The following PHKB variants were observed in gnomAD, a reference collection of about 807,000 sequenced individuals.
The protein encoded by PHKB is phosphorylase b kinase regulatory subunit beta.
In PHKB, 122 loss-of-function variants were observed where a neutral mutation model predicts 152.1. The ratio of observed to expected loss-of-function variants is 0.80; its 90% CI spans 0.69 to 0.93. The LOEUF is 0.93. Ranked by LOEUF, PHKB falls within the 40% of genes least tolerant of loss-of-function variation. The probability of loss-of-function intolerance (pLI) is 0.00; values close to 1 mark genes in which losing one functional copy is unlikely to be tolerated. For synonymous variants in PHKB, 436 were observed against 464.9 expected (o/e 0.94, Z 0.80); for missense variants, 1,304 against 1,328.4 (o/e 0.98, Z 0.29).
intron 7 of PHKB, among the ~76,000 whole-genome samples, chr16:47,553,417 T>C (rs769450857): frequency 3.3e-5 from 5 of 152,098 alleles, no homozygotes; most frequent in Non-Finnish European, 5.9e-5. Context: ...AAGCTGGTTA[T>C]TCTAGTTAGC....
intron 1 of PHKB, among the ~76,000 whole-genome samples, chr16:47,472,173 AC>A (rs1295975554): frequency 2.0e-5 from 3 of 152,138 alleles, no homozygotes; most frequent in Non-Finnish European, 4.4e-5. Context: ...TGGCATATTG[AC>A]CCTTCTATTC....
intron 6 of PHKB, among the ~76,000 whole-genome samples, chr16:47,541,103 C>T (rs1339781378): frequency 6.6e-6 from 1 of 152,026 alleles, no homozygotes; most frequent in Non-Finnish European, 1.5e-5. Context: ...CCCATTAACT[C>T]GTCATTTACA....
chr16:47,605,843 A>G (rs1972313777), intron 13 of PHKB, among the ~76,000 whole-genome samples: 1 of 152,008 alleles, frequency 6.6e-6, no homozygotes, highest in East Asian at 1.9e-4. Flanking sequence ...CACCTATGTT[A>G]TGTAGAATGT....
intron 26 of PHKB, among the ~76,000 whole-genome samples, chr16:47,683,745 G>A (rs975146007): frequency 9.2e-5 from 14 of 152,100 alleles, no homozygotes; most frequent in Admixed American, 1.3e-4. Flanking sequence ...GCTTCGGCTC[G>A]TGCACGGTGC....
chr16:47,508,747 C>T (rs1261686381), intron 4 of PHKB, among the ~76,000 whole-genome samples: 1 of 152,048 alleles, frequency 6.6e-6, no homozygotes, highest in Non-Finnish European at 1.5e-5. Context: ...TGCCAGATGC[C>T]AGAATCATAC....
chr16:47,518,841 G>A (rs749199865), intron 6 of PHKB, among the ~76,000 whole-genome samples: 42 of 152,152 alleles, frequency 2.8e-4, no homozygotes, highest in South Asian at 4.1e-4. Context: ...CTGTTGGAGG[G>A]GGGCAAAGTA....
chr16:47,586,933 T>C (rs1315733369), intron 8 of PHKB, among the ~76,000 whole-genome samples: 1 of 152,116 alleles, frequency 6.6e-6, no homozygotes, highest in African/African-American at 2.4e-5. Context: ...TATATGTGTG[T>C]GTGCATATAT....
chr16:47,486,170 TAAAC>T (rs1160360336), intron 1 of PHKB, among the ~76,000 whole-genome samples: 1 of 152,194 alleles, frequency 6.6e-6, no homozygotes, highest in Non-Finnish European at 1.5e-5. Flanking sequence ...TCACTTTTGA[TAAAC>T]AAGCAGTGAT....
chr16:47,499,061 TAATAA>T (rs1205898505), intron 2 of PHKB, among the ~76,000 whole-genome samples: 2 of 152,226 alleles, frequency 1.3e-5, no homozygotes, highest in African/African-American at 4.8e-5. Flanking sequence ...TTATAAAAGA[TAATAA>T]AATATTAATT....
At chr16:47,612,214 C>A (rs1476933120) in intron 14 of PHKB, among the ~76,000 whole-genome samples, 6 of 152,308 alleles carry the variant, frequency 3.9e-5, no homozygotes, top group Non-Finnish European at 7.3e-5. Context: ...CATTTTAAGA[C>A]TAATGTGTAT....
At chr16:47,523,150 C>A (rs1970713924) in intron 6 of PHKB, among the ~76,000 whole-genome samples, 1 of 151,952 alleles carries the variant, frequency 6.6e-6, no homozygotes, top group African/African-American at 2.4e-5. Context: ...GGGACAGTGT[C>A]TATTAATTTC....
Position 47,560,022 on chromosome 16 carries a change from A to G in PHKB, c.710+12474A>G, listed in dbSNP as rs1472819326. On this transcript the variant is annotated intron_variant, in intron 7 of 30. Coordinates refer to ENST00000323584, the MANE Select transcript of PHKB (RefSeq NM_000293.3). ...ATTTGTTTAACCTGTGGAAGCAAGTACTTCCTTCACTGGCAGGGAACCTTC... is the reference window on the plus strand; with the variant it reads ...ATTTGTTTAACCTGTGGAAGCAAGTGCTTCCTTCACTGGCAGGGAACCTTC... Among the ~76,000 whole-genome samples the G allele has an allele frequency of 2.6e-5, 4 of 152,340 alleles. No homozygotes were observed. The East Asian group carries it at 7.7e-4, about 29-fold the overall frequency.
intron 12 of PHKB, among the ~76,000 whole-genome samples, chr16:47,596,083 T>C (rs1972112593): frequency 6.6e-6 from 1 of 152,152 alleles, no homozygotes; most frequent in South Asian, 2.1e-4. Flanking sequence ...AATTGAATCA[T>C]GGGGGGCGGT....
intron 14 of PHKB, among the ~76,000 whole-genome samples, chr16:47,633,349 A>C (rs978968929): frequency 6.6e-6 from 1 of 152,202 alleles, no homozygotes; most frequent in East Asian, 1.9e-4. Flanking sequence ...CCGTCAAATG[A>C]ATAACAATTG....
intron 7 of PHKB, among the ~76,000 whole-genome samples, chr16:47,580,027 T>A (rs1355061947): frequency 6.6e-6 from 1 of 152,112 alleles, no homozygotes; most frequent in Non-Finnish European, 1.5e-5. Flanking sequence ...AAAATGATTC[T>A]GGAATTAAAA....
At chr16:47,628,961 G>C (rs984269016) in intron 14 of PHKB, among the ~76,000 whole-genome samples, 1 of 152,132 alleles carries the variant, frequency 6.6e-6, no homozygotes, top group Non-Finnish European at 1.5e-5. Context: ...GGGAAAACTG[G>C]CTAGCCATAT....
chr16:47,628,641 G>GT (rs1174831404), intron 14 of PHKB, among the ~76,000 whole-genome samples: 3 of 152,124 alleles, frequency 2.0e-5, no homozygotes, highest in African/African-American at 7.2e-5. Context: ...AAAGGCAGTC[G>GT]TTTTTATATT....
At chr16:47,487,535 A>T (rs1480718781) in intron 1 of PHKB, among the ~76,000 whole-genome samples, 5 of 151,946 alleles carry the variant, frequency 3.3e-5, no homozygotes, top group African/African-American at 1.2e-4. Flanking sequence ...AGATTATTTC[A>T]TCACTCAGGT....
Position 47,604,901 on chromosome 16 carries a change from A to T in PHKB, c.1364-5925A>T, listed in dbSNP as rs117862303. Among the ~76,000 whole-genome samples the T allele has an allele frequency of 2.2e-3, 340 of 152,280 alleles. 11 individuals carry two copies. In the East Asian group the frequency reaches 0.047, roughly 21 times the overall value. On this transcript the variant is annotated intron_variant, in intron 13 of 30. Coordinates refer to ENST00000323584, the MANE Select transcript of PHKB (RefSeq NM_000293.3). ...TGTACTGTAAATGTAGAAAGCCATT[A>T]TCTCTTACCCTCGTTCTTTTATTTT...
Sources: allele counts gnomAD v4.1 joint callset (sites outside exome capture counted in the v4.1 genomes callset), GRCh38; gene constraint gnomAD v4.1.1; transcripts MANE v1.5; gene names NCBI Gene and HGNC (gene_info 2026-07-23, HGNC 2026-07-21).